RHEB: variants seen among roughly 807,000 people sequenced by gnomAD.
The protein encoded by RHEB is GTP-binding protein Rheb.
A neutral mutation model predicts 28.8 loss-of-function variants in RHEB; 2 were observed. That is an observed-to-expected ratio of 0.07 (90% CI 0.03 to 0.22). RHEB has a LOEUF of 0.22. Ranked by LOEUF, RHEB falls within the 10% of genes least tolerant of loss-of-function variation. The pLI, the probability that RHEB is intolerant of heterozygous loss-of-function variation, is 1.00. For synonymous variants in RHEB, 69 were observed against 77.3 expected (o/e 0.89, Z 0.56); for missense variants, 76 against 219.9 (o/e 0.35, Z 4.14).
At chr7:151,512,784 G>A (rs1466716927) in intron 1 of RHEB, among the ~76,000 whole-genome samples, 1 of 152,130 alleles carries the variant, frequency 6.6e-6, no homozygotes, top group South Asian at 2.1e-4. Context: ...GTTCTCAAAG[G>A]GTGGTCTGTG....
chr7:151,467,080 T>G lies in RHEB; in HGVS notation c.*39A>C, dbSNP rs373922071. 4 of 1,437,192 alleles carry G rather than the reference T, an allele frequency of 2.8e-6. No homozygotes were observed. The highest frequency in any genetic ancestry group is 3.9e-6 in the Non-Finnish European group (4 of 1,019,156). The allele number at this position is 1,437,192 out of a possible 1,614,324, so 89.0% of individuals were successfully genotyped here. The stretch of plus-strand genomic sequence containing the variant: ...AGAACGGGCAGTTTGCTTCTTCAGG[T>G]AGAATATATTCCCAGTGTCCTCAGG... On this transcript the variant is annotated 3_prime_UTR_variant, in exon 8 of 8. Coordinates refer to ENST00000262187, the MANE Select transcript of RHEB (RefSeq NM_005614.4).
At chr7:151,492,221 T>C (rs1258887473) in intron 1 of RHEB, among the ~76,000 whole-genome samples, 2 of 152,252 alleles carry the variant, frequency 1.3e-5, no homozygotes, top group Non-Finnish European at 2.9e-5. Flanking sequence ...GTTTAATTTA[T>C]GCTTGTTTCT....
intron 3 of RHEB, among the ~76,000 whole-genome samples, chr7:151,481,126 G>C (rs553434915): frequency 6.7e-6 from 1 of 150,316 alleles, no homozygotes; most frequent in South Asian, 2.1e-4. Flanking sequence ...TATAGAAGAG[G>C]CTACTTTTTT....
At chr7:151,503,292 C>T (rs1802806609) in intron 1 of RHEB, 4 of 796,684 alleles carry the variant, frequency 5.0e-6, no homozygotes, top group South Asian at 4.0e-5. Flanking sequence ...GGTTTGCTAA[C>T]AACTATAAAA....
intron 1 of RHEB, among the ~76,000 whole-genome samples, chr7:151,514,808 C>T (rs868534779): frequency 1.3e-5 from 2 of 151,968 alleles, no homozygotes; most frequent in African/African-American, 4.8e-5. Context: ...AGACTGAGAC[C>T]AGAGGATTGC....
rs1802784014 is a variant in RHEB, at chr7:151,502,175, G to A, written c.53-11161C>T. On this transcript the variant is annotated intron_variant, in intron 1 of 7. Coordinates refer to ENST00000262187, the MANE Select transcript of RHEB (RefSeq NM_005614.4). ...CTTGTGAACCCGGGAGGCTTATGTGGCAGTGAGGCAAGATCACGCCACTGT... is the reference window on the plus strand; with the variant it reads ...CTTGTGAACCCGGGAGGCTTATGTGACAGTGAGGCAAGATCACGCCACTGT... 1.8e-5 allele frequency: 8 copies of A among 441,268 alleles called. No homozygotes were observed. The East Asian group carries it at 3.5e-4, about 19-fold the overall frequency. The allele number at this position is 441,268 out of a possible 1,614,324, so 27.3% of individuals were successfully genotyped here. A position where few individuals can be genotyped will look rare whatever the true frequency, so the allele number is the denominator to read the frequency against.
chr7:151,505,014 A>G (rs1802842053), intron 1 of RHEB, among the ~76,000 whole-genome samples: 1 of 152,000 alleles, frequency 6.6e-6, no homozygotes. Context: ...CTAAACATAA[A>G]AGCTAAAACT....
At chr7:151,467,870 G>A (rs1802094544) in intron 7 of RHEB, among the ~76,000 whole-genome samples, 1 of 152,148 alleles carries the variant, frequency 6.6e-6, no homozygotes. Flanking sequence ...TTCCTACACT[G>A]AGTGGGGAGG....
intron 2 of RHEB, among the ~76,000 whole-genome samples, chr7:151,486,487 G>A (rs551579107): frequency 1.6e-4 from 25 of 152,254 alleles, no homozygotes; most frequent in Admixed American, 1.3e-3. Flanking sequence ...TCTTCCCTGG[G>A]AGTGGAACAC....
intron 7 of RHEB, chr7:151,470,264 C>T (rs980906988): frequency 1.1e-5 from 2 of 183,524 alleles, no homozygotes; most frequent in Non-Finnish European, 2.2e-5. Context: ...CCTGTATGGA[C>T]TTATTTCTGT....
chr7:151,482,550 A>T (rs527392540), intron 3 of RHEB, among the ~76,000 whole-genome samples: 4 of 152,388 alleles, frequency 2.6e-5, no homozygotes, highest in South Asian at 2.1e-4. Flanking sequence ...CCACAGTAAC[A>T]TTACATGAAA....
intron 2 of RHEB, among the ~76,000 whole-genome samples, chr7:151,487,838 T>C (rs2150927854): frequency 6.6e-6 from 1 of 152,286 alleles, no homozygotes; most frequent in Non-Finnish European, 1.5e-5. Context: ...CCTGAAATTC[T>C]CCTAAGTAGA....
Position 151,468,845 on chromosome 7 carries a change from T to C in RHEB, c.463-1634A>G, listed in dbSNP as rs1032201136. Among the ~76,000 whole-genome samples the C allele has an allele frequency of 1.3e-5, 2 of 152,154 alleles. No individual in the cohort carries two copies. The highest frequency in any genetic ancestry group is 2.9e-5 in the Non-Finnish European group (2 of 68,022). On this transcript the variant is annotated intron_variant, in intron 7 of 7. Coordinates refer to ENST00000262187, the MANE Select transcript of RHEB (RefSeq NM_005614.4). The surrounding 1 kb of genome is among the most constrained non-coding windows in gnomAD (Gnocchi z 4.3). ...CACCTGATTGACAGGAAGCAGTGTGTAGAGAAAAAAGGACTAGATGTGGAT... is the reference window on the plus strand; with the variant it reads ...CACCTGATTGACAGGAAGCAGTGTGCAGAGAAAAAAGGACTAGATGTGGAT...
chr7:151,488,081 T>C (rs1190985375), intron 2 of RHEB, among the ~76,000 whole-genome samples: 2 of 152,258 alleles, frequency 1.3e-5, no homozygotes, highest in East Asian at 3.8e-4. Flanking sequence ...TACCTTGAGA[T>C]GGCAGAAGTC....
At chr7:151,473,751 C>T (rs1329225137) in intron 4 of RHEB, among the ~76,000 whole-genome samples, 1 of 150,462 alleles carries the variant, frequency 6.6e-6, no homozygotes, top group East Asian at 1.9e-4. Context: ...TGTTCCCAAA[C>T]CCACTTATGC....
In RHEB at chr7:151,466,159, C is replaced by A. The variant is rs1802056788; in HGVS notation, c.*960G>T. 1 of 152,172 alleles carries A rather than the reference C, an allele frequency of 6.6e-6. No homozygotes were observed. The highest frequency in any genetic ancestry group is 1.5e-5 in the Non-Finnish European group (1 of 68,048). The allele number at this position is 152,172 out of a possible 1,614,324, so 9.4% of individuals were successfully genotyped here. A position where few individuals can be genotyped will look rare whatever the true frequency, so the allele number is the denominator to read the frequency against. On this transcript the variant is annotated 3_prime_UTR_variant, in exon 8 of 8. Coordinates refer to ENST00000262187, the MANE Select transcript of RHEB (RefSeq NM_005614.4). ...GTTTGACTTACAGACAAGGTAACAG[C>A]CACCAAACAAATGAAATCCCTCTTC...
intron 2 of RHEB, among the ~76,000 whole-genome samples, chr7:151,485,778 G>C (rs1802461498): frequency 6.6e-6 from 1 of 152,206 alleles, no homozygotes; most frequent in African/African-American, 2.4e-5. Flanking sequence ...GTTCCACAGG[G>C]AAAGAAATGA....
chr7:151,519,468 C>G lies in RHEB; in HGVS notation c.44G>C (p.Arg15Pro), dbSNP rs769657232. The stretch of plus-strand genomic sequence containing the variant: ...GGCCACCGGCCACTCACCCACAGAC[C>G]GGTAGCCCAGGATCGCGATCTTCCG... ...KSRKIAILGY[R>P]SVGKSSLTIQ... Residue 15 changes from arginine to proline, a missense_variant, in exon 1 of 8, where the codon CGG (arginine) becomes CCG (proline). Coordinates refer to ENST00000262187, the MANE Select transcript of RHEB (RefSeq NM_005614.4). 1 of 1,538,372 alleles carries G rather than the reference C, an allele frequency of 6.5e-7. No homozygotes were observed. The highest frequency in any genetic ancestry group is 1.2e-5 in the South Asian group (1 of 84,048).
rs1802056635 is a variant in RHEB, at chr7:151,466,149, A to G, written c.*970T>C. 1.3e-5 allele frequency: 2 copies of G among 152,220 alleles called. No individual in the cohort carries two copies. The highest frequency in any genetic ancestry group is 2.9e-5 in the Non-Finnish European group (2 of 68,044). 9.4% of individuals were successfully genotyped at this position (152,220 alleles called of 1,614,324 possible). A position where few individuals can be genotyped will look rare whatever the true frequency, so the allele number is the denominator to read the frequency against. ...TCAACTCCAAGTTTGACTTACAGAC[A>G]AGGTAACAGCCACCAAACAAATGAA... On this transcript the variant is annotated 3_prime_UTR_variant, in exon 8 of 8. Transcript: ENST00000262187.
Sources: allele counts gnomAD v4.1 joint callset (sites outside exome capture counted in the v4.1 genomes callset), GRCh38; gene constraint gnomAD v4.1.1; non-coding constraint Gnocchi (gnomAD v3.1); transcripts MANE v1.5; gene names NCBI Gene and HGNC (gene_info 2026-07-23, HGNC 2026-07-21).